ZCWPW1: variants seen among roughly 807,000 people sequenced by gnomAD.
ZCWPW1 encodes the protein zinc finger CW-type PWWP domain protein 1.
Under a neutral mutation model 81.3 loss-of-function variants are expected in ZCWPW1, and 56 were observed. The ratio of observed to expected loss-of-function variants is 0.69; its 90% CI spans 0.56 to 0.86. The LOEUF (loss-of-function observed/expected upper bound fraction) is 0.86. Among genes scored for constraint, ZCWPW1 ranks in the 40% least tolerant of loss-of-function variants. The pLI, the probability that ZCWPW1 is intolerant of heterozygous loss-of-function variation, is 0.00. For missense variants in ZCWPW1, 650 were observed against 769.8 expected (o/e 0.84, Z 1.84); for synonymous variants, 250 against 273.7 (o/e 0.91, Z 0.86).
intron 8 of ZCWPW1, 40 bp from the exon 9 acceptor site, chr7:100,409,584 T>C (rs754591731): frequency 2.1e-6 from 3 of 1,431,670 alleles, no homozygotes; most frequent in South Asian, 1.2e-5. Context: ...CTTAAAAATA[T>C]GCTCTTCCTT....
intron 1 of ZCWPW1, among the ~76,000 whole-genome samples, 156 bp downstream of exon 1, chr7:100,428,412 G>A (rs1798162248): frequency 6.6e-6 from 1 of 152,258 alleles, no homozygotes; most frequent in African/African-American, 2.4e-5. Flanking sequence ...ACAAATCCCA[G>A]AATCCTCTTT....
rs1442128189 is a variant in ZCWPW1 at position 100,401,311 on chromosome 7, G to A, written c.1653C>T (p.Pro551=). 6.4e-7 allele frequency: 1 copy of A among 1,562,048 alleles called. No individual in the cohort carries two copies. ...AGCTGGCTGCCAAGGCCTTGCTCTG[G>A]GGAGCTTTAAATTTTTTCTTAGGGC... ...QPGPKKKFKA[P]QSKALAASFS... Residue 551 remains proline, a synonymous_variant, in exon 18 of 18, where the codon CCC becomes CCT. Coordinates refer to ENST00000684423, the MANE Select transcript of ZCWPW1 (RefSeq NM_001386010.1).
intron 2 of ZCWPW1, among the ~76,000 whole-genome samples, chr7:100,422,586 C>A (rs1796553426): frequency 6.6e-6 from 1 of 152,142 alleles, no homozygotes; most frequent in African/African-American, 2.4e-5. Flanking sequence ...TTCTTTCCAA[C>A]CTTTATTTTA....
At position 100,401,289 on chromosome 7, in the gene ZCWPW1, T is replaced by C. The variant is rs1448276661; in HGVS notation, c.1675A>G (p.Ser559Gly). ...KAPQSKALAA[S>G]FSEGKEVRTV... ...CTAACTTCTTTTCCCTCTGAAAAGCTGGCTGCCAAGGCCTTGCTCTGGGGA... is the reference window on the plus strand; with the variant it reads ...CTAACTTCTTTTCCCTCTGAAAAGCCGGCTGCCAAGGCCTTGCTCTGGGGA... Residue 559 changes from serine (S) to glycine (G), a missense_variant, in exon 18 of 18, where the codon AGC (serine) becomes GGC (glycine). Coordinates refer to ENST00000684423, the MANE Select transcript of ZCWPW1 (RefSeq NM_001386010.1). The C allele has an allele frequency of 6.2e-7, 1 of 1,600,674 alleles. No individual in the cohort carries two copies. The highest frequency in any genetic ancestry group is 1.3e-5 in the African/African-American group (1 of 74,376).
intron 2 of ZCWPW1, among the ~76,000 whole-genome samples, chr7:100,421,946 C>T (rs1292073994): frequency 2.6e-5 from 4 of 152,164 alleles, no homozygotes; most frequent in Admixed American, 2.0e-4. Context: ...CCTGCCTCAG[C>T]CTCCCAAAGT....
At chr7:100,423,243 A>G (rs933079762) in intron 2 of ZCWPW1, among the ~76,000 whole-genome samples, 2 of 152,178 alleles carry the variant, frequency 1.3e-5, no homozygotes, top group South Asian at 2.1e-4. Context: ...TAACATATCT[A>G]TTCTACTCAG....
At chr7:100,427,591 C>T (rs2130949794) in intron 1 of ZCWPW1, among the ~76,000 whole-genome samples, 1 of 150,782 alleles carries the variant, frequency 6.6e-6, no homozygotes, top group African/African-American at 2.4e-5. Flanking sequence ...CCCAGCTCCT[C>T]GGGAGGCTGA....
intron 13 of ZCWPW1, 97 bp from the exon 14 acceptor site, chr7:100,404,341 T>G (rs1331334028): frequency 9.2e-7 from 1 of 1,083,658 alleles, no homozygotes; most frequent in African/African-American, 1.6e-5. Flanking sequence ...AAATTCTGAT[T>G]CATTTTCCAT....
intron 15 of ZCWPW1, among the ~76,000 whole-genome samples, chr7:100,403,351 G>A (rs1290629807): frequency 6.6e-6 from 1 of 152,028 alleles, no homozygotes; most frequent in African/African-American, 2.4e-5. Context: ...GAGTAGCTGG[G>A]ACTATAGGTG....
chr7:100,401,501 T>G (rs926834449), intron 17 of ZCWPW1, among the ~76,000 whole-genome samples, 165 bp from the exon 18 acceptor site: 1 of 152,276 alleles, frequency 6.6e-6, no homozygotes, highest in African/African-American at 2.4e-5. Flanking sequence ...TCAAGCCGTC[T>G]GCCCTATGCT....
In ZCWPW1 at chr7:100,416,434, C is replaced by T. The variant is rs1443822639; in HGVS notation, c.502G>A (p.Glu168Lys). The T allele has an allele frequency of 1.2e-6, 2 of 1,613,970 alleles. No individual in the cohort carries two copies. Among genetic ancestry groups the T allele is most frequent in the African/African-American group, 2.7e-5 (2 of 74,892 alleles). ...ANGEEVPHTQ[E>K]ISVSWEGEAA... is the part of the protein sequence containing the mutation. The stretch of plus-strand genomic sequence containing the variant: ...TCACCTTCCCAAGACACTGAAATCT[C>T]TTGAGTATGTGGTACCTCCTCTCTG... Residue 168 changes from glutamate to lysine, a missense_variant, in exon 7 of 18, where the codon GAG (glutamate) becomes AAG (lysine). Transcript: ENST00000684423.
intron 8 of ZCWPW1, among the ~76,000 whole-genome samples, chr7:100,412,932 T>C (rs1471355494): frequency 2.0e-5 from 3 of 152,006 alleles, no homozygotes; most frequent in Admixed American, 6.6e-5. Flanking sequence ...CTGTTACCCA[T>C]GCTGGAGTGA....
chr7:100,409,601 T>C, intron 8 of ZCWPW1, 57 bp from the exon 9 acceptor site: 1 of 1,326,860 alleles, frequency 7.5e-7, no homozygotes, highest in Non-Finnish European at 1.1e-6. Context: ...CCTTCTTTAA[T>C]CCAACTAAAA....
chr7:100,403,897 G>GT, intron 14 of ZCWPW1, 112 bp from the exon 15 acceptor site: 1 of 1,158,974 alleles, frequency 8.6e-7, no homozygotes, highest in Non-Finnish European at 1.3e-6. Context: ...TGTACAAGTG[G>GT]TATTTTCTCC....
intron 10 of ZCWPW1, 77 bp from the exon 11 acceptor site, chr7:100,407,380 GCA>G: frequency 7.0e-6 from 9 of 1,279,014 alleles, no homozygotes; most frequent in Non-Finnish European, 7.8e-6. Flanking sequence ...CAATGTACAT[GCA>G]CAGAGAAGAG....
chr7:100,418,943 G>C (rs1031259127), intron 5 of ZCWPW1, 168 bp downstream of exon 5: 3 of 518,780 alleles, frequency 5.8e-6, no homozygotes, highest in South Asian at 6.3e-5. Flanking sequence ...TTTAGCTATA[G>C]TCCTGTTGAC....
At chr7:100,419,596 A>G (rs1255881595) in intron 4 of ZCWPW1, 34 bp downstream of exon 4, 1 of 1,575,542 alleles carries the variant, frequency 6.3e-7, no homozygotes, top group African/African-American at 1.4e-5. Context: ...GTATGAGAAA[A>G]TCTCCTACCA....
At chr7:100,420,026 T>G in intron 3 of ZCWPW1, 143 bp from the exon 4 acceptor site, 1 of 661,266 alleles carries the variant, frequency 1.5e-6, no homozygotes, top group Non-Finnish European at 2.5e-6. Flanking sequence ...CACTGCTTAC[T>G]CCACTCCTCA....
intron 8 of ZCWPW1, among the ~76,000 whole-genome samples, chr7:100,412,419 T>C (rs1794355529): frequency 6.6e-6 from 1 of 152,204 alleles, no homozygotes. Context: ...TTCACATAAC[T>C]GTTCAAGACA....
Sources: gnomAD v4.1 joint callset for allele counts (sites outside exome capture counted in the v4.1 genomes callset) on GRCh38, gnomAD v4.1.1 for gene constraint, MANE v1.5 for transcripts, NCBI Gene and HGNC (gene_info 2026-07-23, HGNC 2026-07-21) for gene names.